The following MAF variants were observed in gnomAD, a reference collection of about 807,000 sequenced individuals.
The protein encoded by MAF is transcription factor Maf.
MAF carries 10 observed loss-of-function variants against 22.0 expected under a neutral mutation model. The observed-to-expected ratio is 0.45, with a 90% CI of 0.28 to 0.77. The LOEUF is 0.77. MAF is among the 30% of genes least tolerant of loss of function. The pLI is 0.12. For missense variants in MAF, 544 were observed against 548.4 expected, an observed-to-expected ratio of 0.99 and a Z score of 0.08; for synonymous variants, 337 against 255.8, an observed-to-expected ratio of 1.32 and a Z score of -3.03.
At chr16:79,557,186 A>G in the MAF span, among the ~76,000 whole-genome samples, 1 of 119,456 alleles carries the variant, frequency 8.4e-6, no homozygotes, top group East Asian at 2.2e-4. Context: ...ATTCAATTCC[A>G]TTGCTAGTGC....
At chr16:79,537,741 G>A in the MAF span, among the ~76,000 whole-genome samples, 3 of 152,208 alleles carry the variant, frequency 2.0e-5, no homozygotes, top group Admixed American at 1.3e-4. Context: ...CAAACCCAGG[G>A]GCCCTGGGTG....
At chr16:79,563,603 T>C in the MAF span, among the ~76,000 whole-genome samples, 3 of 152,158 alleles carry the variant, frequency 2.0e-5, no homozygotes, top group African/African-American at 4.8e-5. Flanking sequence ...GCATTTAAAA[T>C]AATATTAAAA....
chr16:79,248,853 A>G, the MAF span, among the ~76,000 whole-genome samples: 2 of 152,178 alleles, frequency 1.3e-5, no homozygotes, highest in East Asian at 1.9e-4. Flanking sequence ...TTACTTGGTT[A>G]GTCAATTTCA....
At chr16:79,437,408 G>A in the MAF span, among the ~76,000 whole-genome samples, 201 of 152,262 alleles carry the variant, frequency 1.3e-3, 1 homozygote, top group Non-Finnish European at 2.3e-3. Flanking sequence ...GTTTGAGATT[G>A]TACAGGTGTG....
At chr16:79,496,735 C>T in the MAF span, among the ~76,000 whole-genome samples, 1 of 152,108 alleles carries the variant, frequency 6.6e-6, no homozygotes, top group Non-Finnish European at 1.5e-5. Flanking sequence ...AACAATGGGG[C>T]TATGAAAATA....
At chr16:79,406,269 C>G in the MAF span, among the ~76,000 whole-genome samples, 21,498 of 152,216 alleles carry the variant, frequency 0.14, 1,731 homozygotes, top group South Asian at 0.26. Flanking sequence ...AGTAGCCAAA[C>G]CAAGACAGAG....
the MAF span, among the ~76,000 whole-genome samples, chr16:79,478,871 T>C: frequency 6.6e-6 from 1 of 151,900 alleles, no homozygotes; most frequent in Non-Finnish European, 1.5e-5. Context: ...CATACCTATA[T>C]ACCATCTTAG....
the MAF span, among the ~76,000 whole-genome samples, chr16:79,576,550 AT>A: frequency 3.5e-3 from 515 of 146,994 alleles, 3 homozygotes; most frequent in African/African-American, 0.012. Flanking sequence ...GAGGAGTGCT[AT>A]TTTTTTTTTT....
At chr16:79,584,205 T>C (rs1423603606), downstream of MAF, among the ~76,000 whole-genome samples, 1 of 152,184 alleles carries the variant, frequency 6.6e-6, no homozygotes, top group African/African-American at 2.4e-5. Flanking sequence ...CATGAAGCTG[T>C]ACATGGTTGA....
chr16:79,365,380 T>G, the MAF span, among the ~76,000 whole-genome samples: 1 of 152,158 alleles, frequency 6.6e-6, no homozygotes, highest in Admixed American at 6.5e-5. Flanking sequence ...GACTAGAAAG[T>G]GGAGTTGAAA....
At chr16:79,445,073 G>A in the MAF span, among the ~76,000 whole-genome samples, 25 of 151,942 alleles carry the variant, frequency 1.6e-4, no homozygotes, top group African/African-American at 4.8e-4. Flanking sequence ...TCACTCTGTC[G>A]CCCAGACTGG....
the MAF span, among the ~76,000 whole-genome samples, chr16:79,406,647 G>C: frequency 7.9e-5 from 12 of 152,290 alleles, no homozygotes; most frequent in South Asian, 1.9e-3. Context: ...TGGGGGATAG[G>C]ATTTCAACAT....
At chr16:79,329,078 A>C in the MAF span, among the ~76,000 whole-genome samples, 2 of 147,172 alleles carry the variant, frequency 1.4e-5, no homozygotes, top group African/African-American at 5.1e-5. Flanking sequence ...TCCTTCTGTG[A>C]TTTTTTTTTT....
the MAF span, among the ~76,000 whole-genome samples, chr16:79,302,534 C>G: frequency 2.0e-5 from 3 of 152,214 alleles, no homozygotes; most frequent in Admixed American, 6.5e-5. Flanking sequence ...GCAGGCAGCA[C>G]TCTCGTTCTC....
At chr16:79,472,610 T>C in the MAF span, among the ~76,000 whole-genome samples, 1 of 152,108 alleles carries the variant, frequency 6.6e-6, no homozygotes, top group East Asian at 1.9e-4. Context: ...TGCCTAGGGC[T>C]TGGAGGCAGA....
the MAF span, among the ~76,000 whole-genome samples, chr16:79,208,750 TG>T: frequency 6.6e-6 from 1 of 152,200 alleles, no homozygotes; most frequent in East Asian, 1.9e-4. Context: ...GCCGAAAAGC[TG>T]GTGAGCCAAA....
the MAF span, among the ~76,000 whole-genome samples, chr16:79,462,589 A>G: frequency 6.6e-6 from 1 of 152,186 alleles, no homozygotes; most frequent in Non-Finnish European, 1.5e-5. Flanking sequence ...GCACACACAC[A>G]CAAATACATT....
the MAF span, among the ~76,000 whole-genome samples, chr16:79,226,918 G>C: frequency 6.6e-6 from 1 of 152,082 alleles, no homozygotes; most frequent in South Asian, 2.1e-4. Flanking sequence ...AAGTACTCTT[G>C]AGTTGACATA....
chr16:79,320,913 G>C, the MAF span, among the ~76,000 whole-genome samples: 1 of 152,196 alleles, frequency 6.6e-6, no homozygotes, highest in African/African-American at 2.4e-5. Flanking sequence ...TGAGCAGAGT[G>C]ACGTTAAGAA....
Sources: allele counts gnomAD v4.1 joint callset (sites outside exome capture counted in the v4.1 genomes callset), GRCh38; gene constraint gnomAD v4.1.1; transcripts MANE v1.5; gene names NCBI Gene and HGNC (gene_info 2026-07-23, HGNC 2026-07-21).